DIP2A: variants seen among roughly 807,000 people sequenced by gnomAD.
DIP2A encodes the protein disco-interacting protein 2 homolog A.
DIP2A carries 85 observed loss-of-function variants against 177.4 expected under a neutral mutation model. That is an observed-to-expected ratio of 0.48 (90% CI 0.40 to 0.57). The LOEUF (loss-of-function observed/expected upper bound fraction) is 0.57. DIP2A is among the 20% of genes least tolerant of loss of function. The pLI, the probability that DIP2A is intolerant of heterozygous loss-of-function variation, is 0.00. For synonymous variants in DIP2A, 886 were observed against 881.8 expected (o/e 1.00, Z -0.08); for missense variants, 1,791 against 2,100.2 (o/e 0.85, Z 2.88).
At chr21:46,534,220 TAA>T (rs1298084912) in intron 12 of DIP2A, 107 bp downstream of exon 12, 2 of 890,620 alleles carry the variant, frequency 2.2e-6, no homozygotes, top group East Asian at 2.7e-5. Context: ...AGTTTCGGCC[TAA>T]GAGTTCTTGT....
Position 46,524,872 on chromosome 21 carries a change from C to CTT in DIP2A, c.1103-4189_1103-4188dup, listed in dbSNP as rs3061062. ...TTTCTTTTATGATTTTTGCTTTTTG[C>CTT]TTTTTTTTTTTTTTTTTTTTTTTTT... is the stretch of plus-strand genomic sequence containing the variant. On this transcript the variant is annotated intron_variant, in intron 8 of 37. Transcript: ENST00000417564. Among the ~76,000 whole-genome samples the CTT allele has an allele frequency of 6.1e-3, 385 of 63,318 alleles. 16 individuals carry two copies. Among genetic ancestry groups the CTT allele is most frequent in the Middle Eastern group, 0.012 (1 of 86 alleles). The allele number at this position is 63,318 out of a possible 152,430, so 41.5% of individuals were successfully genotyped here.
At position 46,563,690 on chromosome 21, in the gene DIP2A, T is replaced by G; in HGVS notation, c.4090-168T>G. On this transcript the variant is annotated intron_variant, in intron 34 of 37. Coordinates refer to ENST00000417564, the MANE Select transcript of DIP2A (RefSeq NM_015151.4). The surrounding 1 kb of genome is among the most constrained non-coding windows in gnomAD (Gnocchi z 4.3). ...TATTTCTATTAACATCTCTTATTTCTTTCAAAATTCAAAGTCAAATTTGGA... is the reference window on the plus strand; with the variant it reads ...TATTTCTATTAACATCTCTTATTTCGTTCAAAATTCAAAGTCAAATTTGGA... 7.8e-7 allele frequency: 1 copy of G among 1,275,292 alleles called. No individual in the cohort carries two copies. The highest frequency in any genetic ancestry group is 1.7e-5 in the South Asian group (1 of 58,876). The allele number at this position is 1,275,292 out of a possible 1,614,324, so 79.0% of individuals were successfully genotyped here.
chr21:46,538,566 C>T lies in DIP2A; in HGVS notation c.1885C>T (p.Leu629=), dbSNP rs1401148771. 1.9e-6 allele frequency: 3 copies of T among 1,562,426 alleles called. No individual in the cohort carries two copies. Among genetic ancestry groups the T allele is most frequent in the Admixed American group, 1.9e-5 (1 of 53,128 alleles). The change falls in exon 16 of 38, where the codon CTG becomes TTG. Residue 629 remains leucine (L), a synonymous_variant. Transcript: ENST00000417564. ...RGQRDVSLSS[L]RMLIVADGAN... ...CCAGAGGGACGTCAGCCTCAGCTCA[C>T]TGCGCATGCTGATTGTGGCCGATGG...
rs528133864 is a variant in DIP2A, at chr21:46,514,210, G to A, written c.1102+2596G>A. ...AGCACTTTGGGAGGCCGAGGCAGGC[G>A]GATCATGAGGTCAGGAGATCAAGAC... On this transcript the variant is annotated intron_variant, in intron 8 of 37. Coordinates refer to ENST00000417564, the MANE Select transcript of DIP2A (RefSeq NM_015151.4). 1.3e-3 allele frequency among the ~76,000 whole-genome samples: 198 copies of A among 152,090 alleles called. 2 individuals carry two copies. The highest frequency in any genetic ancestry group is 4.4e-3 in the African/African-American group (184 of 41,466).
Position 46,527,332 on chromosome 21 carries a change from T to TTG in DIP2A, c.1103-1759_1103-1758insGT, listed in dbSNP as rs1346473521. Among the ~76,000 whole-genome samples the TTG allele has an allele frequency of 2.8e-5, 4 of 145,288 alleles. No individual in the cohort carries two copies. The South Asian group carries it at 9.0e-4, about 33-fold the overall frequency. ...ACAGTGGTTTGAGTTGAGGTTTTTTTTTTTTTTTTTTTTGAGAGGGAGTCT... is the reference window on the plus strand; with the variant it reads ...ACAGTGGTTTGAGTTGAGGTTTTTTTTGTTTTTTTTTTTTTGAGAGGGAGTCT... On this transcript the variant is annotated intron_variant, in intron 8 of 37. Coordinates refer to ENST00000417564, the MANE Select transcript of DIP2A (RefSeq NM_015151.4).
intron 34 of DIP2A, among the ~76,000 whole-genome samples, chr21:46,562,755 TC>T (rs2060709175): frequency 6.6e-6 from 1 of 152,106 alleles, no homozygotes; most frequent in Non-Finnish European, 1.5e-5. Flanking sequence ...CCTGTTACAG[TC>T]ACTTCAGGCG....
chr21:46,540,482 C>A (rs909164273), intron 17 of DIP2A, among the ~76,000 whole-genome samples: 1 of 151,992 alleles, frequency 6.6e-6, no homozygotes, highest in African/African-American at 2.4e-5. Context: ...TGCAGACTGC[C>A]CTGAGTGTCC....
At chr21:46,495,546 G>A (rs1231287194) in intron 3 of DIP2A, among the ~76,000 whole-genome samples, 1 of 151,856 alleles carries the variant, frequency 6.6e-6, no homozygotes, top group African/African-American at 2.4e-5. Flanking sequence ...GGGATTACAG[G>A]CATGAGCCAC....
chr21:46,492,255 C>T (rs952991223), intron 3 of DIP2A, among the ~76,000 whole-genome samples: 1 of 152,178 alleles, frequency 6.6e-6, no homozygotes, highest in African/African-American at 2.4e-5. Flanking sequence ...CCTATGCTTT[C>T]TCCAGAGAAT....
At chr21:46,540,205 C>A (rs1276776302) in intron 17 of DIP2A, among the ~76,000 whole-genome samples, 4 of 152,214 alleles carry the variant, frequency 2.6e-5, no homozygotes, top group Non-Finnish European at 5.9e-5. Flanking sequence ...TGCAGAATGC[C>A]GGCTTGCGAT....
rs998582557 is a variant in DIP2A, at chr21:46,537,871, G to T, written c.1801+332G>T. On this transcript the variant is annotated intron_variant, in intron 15 of 37. Coordinates refer to ENST00000417564, the MANE Select transcript of DIP2A (RefSeq NM_015151.4). This position sits in a 1 kb window ranked among gnomAD's most constrained non-coding sequence, Gnocchi z 4.1. ...TGCACAGTTGGCAGTCTGTGTCTCT[G>T]CCCTGTGGAGCTCAGTGGCACTTCT... Among the ~76,000 whole-genome samples, 13 of 152,178 alleles carry T rather than the reference G, an allele frequency of 8.5e-5. No individual in the cohort carries two copies. Among genetic ancestry groups the T allele is most frequent in the African/African-American group, 3.1e-4 (13 of 41,456 alleles).
At chr21:46,515,464 T>TTA (rs1555892108) in intron 8 of DIP2A, among the ~76,000 whole-genome samples, 7 of 151,872 alleles carry the variant, frequency 4.6e-5, no homozygotes, top group Non-Finnish European at 7.4e-5. Context: ...TTTTTTTTTT[T>TTA]TATATATTCT....
intron 23 of DIP2A, 52 bp from the exon 24 acceptor site, chr21:46,551,582 G>A: frequency 6.8e-7 from 1 of 1,463,210 alleles, no homozygotes; most frequent in Non-Finnish European, 9.5e-7. Context: ...ATCACGTGAT[G>A]TTTATATATG....
the DIP2A span, among the ~76,000 whole-genome samples, chr21:46,576,501 C>T: frequency 2.0e-5 from 3 of 152,194 alleles, no homozygotes; most frequent in African/African-American, 7.2e-5. Flanking sequence ...AAATGTACCA[C>T]ATTTTCTTTA....
At position 46,569,485 on chromosome 21, in the gene DIP2A, A is replaced by G. The variant is rs1325117093; in HGVS notation, c.*1863A>G. The G allele has an allele frequency of 2.1e-5, 1 of 47,902 alleles. No homozygotes were observed. Among genetic ancestry groups the G allele is most frequent in the East Asian group, 3.6e-4 (1 of 2,792 alleles). The allele number at this position is 47,902 out of a possible 1,614,324, so 3.0% of individuals were successfully genotyped here. On this transcript the variant is annotated 3_prime_UTR_variant, in exon 38 of 38. Transcript: ENST00000417564. ...AATAGAATGGCTGGGAAGGGAAAGA[A>G]AAAAAAAAAAAAACTACCTAACTCC...
At chr21:46,461,643 T>C (rs1298726658) in intron 1 of DIP2A, among the ~76,000 whole-genome samples, 3 of 152,192 alleles carry the variant, frequency 2.0e-5, no homozygotes, top group African/African-American at 7.2e-5. Flanking sequence ...ATCTGTTGGA[T>C]CCATTTATGC....
At chr21:46,483,712 A>C (rs1485526307) in intron 1 of DIP2A, among the ~76,000 whole-genome samples, 1 of 152,256 alleles carries the variant, frequency 6.6e-6, no homozygotes, top group South Asian at 2.1e-4. Context: ...GAAATACTCA[A>C]TTATGTACTC....
At chr21:46,522,517 A>G (rs527972466) in intron 8 of DIP2A, among the ~76,000 whole-genome samples, 6 of 152,198 alleles carry the variant, frequency 3.9e-5, no homozygotes, top group Non-Finnish European at 8.8e-5. Context: ...CCCATCCCCC[A>G]TGGGAGTGTT....
intron 1 of DIP2A, among the ~76,000 whole-genome samples, chr21:46,468,581 G>C (rs73383320): frequency 0.076 from 11,619 of 152,230 alleles, 1,083 homozygotes; most frequent in African/African-American, 0.23. Context: ...AGGGTATATA[G>C]TTTCAGTTAT....
Sources: allele counts gnomAD v4.1 joint callset (sites outside exome capture counted in the v4.1 genomes callset), GRCh38; gene constraint gnomAD v4.1.1; non-coding constraint Gnocchi (gnomAD v3.1); transcripts MANE v1.5; gene names NCBI Gene and HGNC (gene_info 2026-07-23, HGNC 2026-07-21).